EFR3B: variants seen among roughly 807,000 people sequenced by gnomAD.
EFR3B encodes the protein EFR3 homolog B.
Under a neutral mutation model 104.7 loss-of-function variants are expected in EFR3B, and 64 were observed. That is an observed-to-expected ratio of 0.61 (90% CI 0.50 to 0.75). The LOEUF is 0.75. EFR3B is among the 30% of genes least tolerant of loss of function. The probability of loss-of-function intolerance (pLI) is 0.00; values close to 1 mark genes in which losing one functional copy is unlikely to be tolerated. For missense variants in EFR3B, 750 were observed against 1,078.5 expected, an observed-to-expected ratio of 0.70 and a Z score of 4.27; for synonymous variants, 385 against 417.9, an observed-to-expected ratio of 0.92 and a Z score of 0.96.
chr2:25,119,876 A>G (rs1391589557), intron 4 of EFR3B, among the ~76,000 whole-genome samples: 1 of 152,256 alleles, frequency 6.6e-6, no homozygotes, highest in Non-Finnish European at 1.5e-5. Context: ...ACAAATTGAC[A>G]ATACTAAATA....
intron 1 of EFR3B, among the ~76,000 whole-genome samples, chr2:25,086,400 G>A (rs1310644082): frequency 6.6e-6 from 1 of 152,192 alleles, no homozygotes; most frequent in Non-Finnish European, 1.5e-5. Context: ...GAGGGTTCTT[G>A]CTGCTCCACA....
intron 19 of EFR3B, chr2:25,145,462 T>C: frequency 4.4e-6 from 1 of 227,594 alleles, no homozygotes; most frequent in East Asian, 8.5e-5. Flanking sequence ...TGGTCCCAGG[T>C]ACTCAGGATG....
chr2:25,061,660 T>C (rs1480917801), intron 1 of EFR3B, among the ~76,000 whole-genome samples: 1 of 150,458 alleles, frequency 6.6e-6, no homozygotes, highest in Non-Finnish European at 1.5e-5. Flanking sequence ...CGCCCGGCTA[T>C]TTCTTTTGTA....
rs1251393167 is a variant in EFR3B, at chr2:25,137,337, C to T, written c.1561-4C>T. On this transcript the variant is annotated splice_polypyrimidine_tract_variant and splice_region_variant and intron_variant, in intron 14 of 22. Coordinates refer to ENST00000403714, the MANE Select transcript of EFR3B (RefSeq NM_014971.2). The surrounding 1 kb of genome is among the most constrained non-coding windows in gnomAD (Gnocchi z 4.7). ...CCTGGCCTTCTGCCCGCTCCTGTCC[C>T]CAGCACTCCCAGCAGCTCTACAGAC... 5 of 1,552,178 alleles carry T rather than the reference C, an allele frequency of 3.2e-6. No individual in the cohort carries two copies. Among genetic ancestry groups the T allele is most frequent in the Non-Finnish European group, 4.4e-6 (5 of 1,147,124 alleles).
intron 12 of EFR3B, among the ~76,000 whole-genome samples, chr2:25,134,595 G>A (rs1670470766): frequency 6.6e-6 from 1 of 152,076 alleles, no homozygotes; most frequent in Admixed American, 6.6e-5. Flanking sequence ...TTCTGGCCAT[G>A]CCAATCTAAA....
At chr2:25,048,014 T>C (rs1558579942) in intron 1 of EFR3B, among the ~76,000 whole-genome samples, 1 of 152,098 alleles carries the variant, frequency 6.6e-6, no homozygotes, top group Non-Finnish European at 1.5e-5. Flanking sequence ...GTTTAGACGG[T>C]TGGAACCTTT....
At chr2:25,104,935 T>C (rs1235012031) in intron 4 of EFR3B, among the ~76,000 whole-genome samples, 1 of 151,148 alleles carries the variant, frequency 6.6e-6, no homozygotes, top group Non-Finnish European at 1.5e-5. Context: ...ACTCCCTGCT[T>C]CTTGTGTGCA....
At chr2:25,048,506 A>G (rs939268271) in intron 1 of EFR3B, among the ~76,000 whole-genome samples, 1 of 152,210 alleles carries the variant, frequency 6.6e-6, no homozygotes, top group Admixed American at 6.5e-5. Context: ...TTGGTACTCA[A>G]AGCTTTCTGT....
At chr2:25,080,739 A>T in intron 1 of EFR3B, 1 of 1,266,620 alleles carries the variant, frequency 7.9e-7, no homozygotes, top group Middle Eastern at 2.8e-4. Flanking sequence ...AGTCCTGTAG[A>T]TCAAAGATTT....
intron 1 of EFR3B, among the ~76,000 whole-genome samples, chr2:25,050,605 C>T (rs890084493): frequency 4.6e-5 from 7 of 151,868 alleles, no homozygotes; most frequent in African/African-American, 1.5e-4. Flanking sequence ...AGATTTGAGG[C>T]ATATGTTTTA....
Position 25,131,938 on chromosome 2 carries a change from G to C in EFR3B, c.1147+27G>C, listed in dbSNP as rs1670350913. The C allele has an allele frequency of 2.8e-6, 4 of 1,450,686 alleles. No individual in the cohort carries two copies. The highest frequency in any genetic ancestry group is 1.4e-5 in the African/African-American group (1 of 69,858). 89.9% of individuals were successfully genotyped at this position (1,450,686 alleles called of 1,614,324 possible). A position where few individuals can be genotyped will look rare whatever the true frequency, so the allele number is the denominator to read the frequency against. ...TGCGGCGCGGGGCCGGGCCGGGGCG[G>C]GGCGGGGCCGAGGCGCGGAGTGGGG... On this transcript the variant is annotated intron_variant, in intron 10 of 22. Coordinates refer to ENST00000403714, the MANE Select transcript of EFR3B (RefSeq NM_014971.2). This position sits in a 1 kb window ranked among gnomAD's most constrained non-coding sequence, Gnocchi z 7.6.
chr2:25,042,220 GC>G lies in EFR3B; in HGVS notation c.-89del. On this transcript the variant is annotated 5_prime_UTR_variant, in exon 1 of 23. The change abolishes the stop of an existing upstream ORF in the 5' untranslated region. Transcript: ENST00000403714. This position sits in a 1 kb window ranked among gnomAD's most constrained non-coding sequence, Gnocchi z 5.4. ...CCCCTGTCGGCCGCCGCCAGTCCCCGCCCCGACTGTGAATGAAAGGCGGGCG... is the reference window on the plus strand; with the variant it reads ...CCCCTGTCGGCCGCCGCCAGTCCCCGCCCGACTGTGAATGAAAGGCGGGCG... 1 of 1,228,758 alleles carries G rather than the reference GC, an allele frequency of 8.1e-7. No homozygotes were observed. The highest frequency in any genetic ancestry group is 2.5e-5 in the South Asian group (1 of 39,758). The allele number at this position is 1,228,758 out of a possible 1,614,324, so 76.1% of individuals were successfully genotyped here. A position where few individuals can be genotyped will look rare whatever the true frequency, so the allele number is the denominator to read the frequency against.
chr2:25,139,109 C>T lies in EFR3B; in HGVS notation c.1773C>T (p.Ala591=). Reference sequence around the variant, plus strand: ...ACTTGCCTGTCTACAACCGCTGTGCCCTCTATGCTCTGGGCGCAGCCTACC... The same window carrying T: ...ACTTGCCTGTCTACAACCGCTGTGCTCTCTATGCTCTGGGCGCAGCCTACC... The part of the protein sequence containing the change: ...EENLPVYNRC[A]LYALGAAYLN... The change falls in exon 16 of 23, where the codon GCC becomes GCT. Residue 591 remains alanine, a synonymous_variant. Transcript: ENST00000403714. 1.9e-6 allele frequency: 3 copies of T among 1,551,718 alleles called. No individual in the cohort carries two copies. The highest frequency in any genetic ancestry group is 2.4e-5 in the East Asian group (1 of 40,924).
intron 12 of EFR3B, among the ~76,000 whole-genome samples, chr2:25,134,694 C>G (rs984252363): frequency 3.9e-5 from 6 of 152,124 alleles, no homozygotes; most frequent in African/African-American, 1.4e-4. Flanking sequence ...TTTTATAAAC[C>G]CTTTGTGCTC....
chr2:25,095,856 T>C (rs1669261658), intron 3 of EFR3B, among the ~76,000 whole-genome samples: 1 of 152,196 alleles, frequency 6.6e-6, no homozygotes. Flanking sequence ...ATAAAAAACA[T>C]GAACTGCAGA....
At chr2:25,094,221 G>A (rs1284516298) in intron 3 of EFR3B, among the ~76,000 whole-genome samples, 1 of 144,560 alleles carries the variant, frequency 6.9e-6, no homozygotes, top group Non-Finnish European at 1.5e-5. Flanking sequence ...AGAGGTCAAG[G>A]CTGCAGTGAG....
At chr2:25,052,447 G>T (rs1344507012) in intron 1 of EFR3B, among the ~76,000 whole-genome samples, 3 of 148,728 alleles carry the variant, frequency 2.0e-5, no homozygotes, top group African/African-American at 7.4e-5. Flanking sequence ...CACAGTTACT[G>T]TTAATGTGGC....
chr2:25,066,352 C>G (rs1388463667), intron 1 of EFR3B, among the ~76,000 whole-genome samples: 1 of 152,200 alleles, frequency 6.6e-6, no homozygotes, highest in Non-Finnish European at 1.5e-5. Context: ...ATGATGACAG[C>G]TTTCCCCTCT....
intron 1 of EFR3B, among the ~76,000 whole-genome samples, chr2:25,072,845 C>A (rs540196157): frequency 2.0e-5 from 3 of 152,160 alleles, no homozygotes; most frequent in African/African-American, 7.2e-5. Context: ...TACTCTCAGG[C>A]CTTTTCTGCT....
Sources: allele counts gnomAD v4.1 joint callset (sites outside exome capture counted in the v4.1 genomes callset), GRCh38; gene constraint gnomAD v4.1.1; non-coding constraint Gnocchi (gnomAD v3.1); transcripts MANE v1.5; gene names NCBI Gene and HGNC (gene_info 2026-07-23, HGNC 2026-07-21).